The following DTX1 variants were observed in gnomAD, a reference collection of about 807,000 sequenced individuals.
The protein encoded by DTX1 is deltex E3 ubiquitin ligase 1.
Under a neutral mutation model 57.8 loss-of-function variants are expected in DTX1, and 26 were observed. The observed-to-expected ratio is 0.45, with a 90% CI of 0.33 to 0.62. DTX1 has a LOEUF of 0.62. Ranked by LOEUF, DTX1 falls within the 20% of genes least tolerant of loss-of-function variation. The pLI is 0.02. For synonymous variants in DTX1, 398 were observed against 394.1 expected (o/e 1.01, Z -0.12); for missense variants, 704 against 895.3 (o/e 0.79, Z 2.73).
chr12:113,078,226 T>C, intron 3 of DTX1, 121 bp downstream of exon 3: 4 of 804,722 alleles, frequency 5.0e-6, no homozygotes, highest in Non-Finnish European at 4.7e-6. Context: ...CGATAAGTAA[T>C]ATCCAGCATG....
Position 113,093,300 on chromosome 12 carries a change from C to A in DTX1, c.1003+77C>A. 1 of 1,487,338 alleles carries A rather than the reference C, an allele frequency of 6.7e-7. No homozygotes were observed. The highest frequency in any genetic ancestry group is 9.1e-7 in the Non-Finnish European group (1 of 1,095,784). The allele number at this position is 1,487,338 out of a possible 1,614,324, so 92.1% of individuals were successfully genotyped here. A position where few individuals can be genotyped will look rare whatever the true frequency, so the allele number is the denominator to read the frequency against. ...CTCCGCCTGTCACCCGGTGACCCCG[C>A]CCCCGAGATGGGCTGGTGAGCGTGG... On this transcript the variant is annotated intron_variant, in intron 4 of 9. Coordinates refer to ENST00000548759, the MANE Select transcript of DTX1 (RefSeq NM_004416.3). This position sits in a 1 kb window ranked among gnomAD's most constrained non-coding sequence, Gnocchi z 4.2.
At chr12:113,059,574 G>A (rs1018108095) in intron 2 of DTX1, among the ~76,000 whole-genome samples, 4 of 152,016 alleles carry the variant, frequency 2.6e-5, no homozygotes, top group Non-Finnish European at 4.4e-5. Flanking sequence ...GTCATTGCCC[G>A]GTGGTATCTG....
intron 3 of DTX1, among the ~76,000 whole-genome samples, chr12:113,089,656 G>C (rs1566020123): frequency 6.6e-6 from 1 of 152,190 alleles, no homozygotes; most frequent in East Asian, 1.9e-4. Context: ...CTGGGTTCTC[G>C]CAGGAGGCCT....
Position 113,077,299 on chromosome 12 carries a change from G to T in DTX1, c.260-125G>T. 3 of 1,101,568 alleles carry T rather than the reference G, an allele frequency of 2.7e-6. No individual in the cohort carries two copies. The highest frequency in any genetic ancestry group is 2.5e-6 in the Non-Finnish European group (2 of 793,146). 68.2% of individuals were successfully genotyped at this position (1,101,568 alleles called of 1,614,324 possible). On this transcript the variant is annotated intron_variant, in intron 2 of 9. Transcript: ENST00000548759. The surrounding 1 kb of genome is among the most constrained non-coding windows in gnomAD (Gnocchi z 7.8). ...TTGACCCTCTCCCCAAGTCTGGGTG[G>T]ACCCCCTGGAGGCCTGTGCTGACCC...
chr12:113,087,248 G>A (rs1260323548), intron 3 of DTX1, among the ~76,000 whole-genome samples: 2 of 152,168 alleles, frequency 1.3e-5, no homozygotes, highest in South Asian at 2.1e-4. Context: ...TGGAAGTAAG[G>A]GGTCTAGAAG....
intron 2 of DTX1, among the ~76,000 whole-genome samples, chr12:113,067,288 C>G (rs542280448): frequency 2.6e-4 from 40 of 152,148 alleles, no homozygotes; most frequent in Admixed American, 5.9e-4. Flanking sequence ...GGGCCCTCCC[C>G]CTGGCTGGGG....
chr12:113,061,276 A>G (rs1409070132), intron 2 of DTX1, among the ~76,000 whole-genome samples: 1 of 152,140 alleles, frequency 6.6e-6, no homozygotes, highest in Non-Finnish European at 1.5e-5. Context: ...CACCCCAACC[A>G]GAGAGGGAGG....
chr12:113,089,181 G>GC (rs1950227830), intron 3 of DTX1, among the ~76,000 whole-genome samples: 2 of 152,240 alleles, frequency 1.3e-5, no homozygotes, highest in South Asian at 4.1e-4. Context: ...TGCCTGGCAT[G>GC]CTTGAGAAAG....
intron 2 of DTX1, among the ~76,000 whole-genome samples, chr12:113,060,892 C>T (rs1397517544): frequency 1.3e-5 from 2 of 152,012 alleles, no homozygotes; most frequent in African/African-American, 4.8e-5. Context: ...AGAGATCTTC[C>T]GGGACCTAGC....
rs768187961 is a variant in DTX1, at chr12:113,096,983, G to A, written c.*44G>A. 29 of 1,559,212 alleles carry A rather than the reference G, an allele frequency of 1.9e-5. No homozygotes were observed. The highest frequency in any genetic ancestry group is 1.3e-4 in the Admixed American group (7 of 54,852). ...TTCCCTCCTGCTTTGCCCCTGGTCC[G>A]GCAAATGCCTCCTTCGCCAGGTGTG... On this transcript the variant is annotated 3_prime_UTR_variant, in exon 10 of 10. Transcript: ENST00000548759.
intron 2 of DTX1, among the ~76,000 whole-genome samples, chr12:113,073,810 C>A (rs1043249222): frequency 6.6e-6 from 1 of 152,204 alleles, no homozygotes; most frequent in African/African-American, 2.4e-5. Flanking sequence ...TTTTGAGGTC[C>A]TACTGTGTGC....
chr12:113,093,094 A>C lies in DTX1; in HGVS notation c.942-68A>C, dbSNP rs1628639. ...GGCCCAGGAGCCAGAGACAGAAGGC[A>C]AGCCAGGTCCCCTGACGTCGCTTCG... On this transcript the variant is annotated intron_variant, in intron 3 of 9. Transcript: ENST00000548759. This position sits in a 1 kb window ranked among gnomAD's most constrained non-coding sequence, Gnocchi z 4.2. The C allele has an allele frequency of 1.6e-5, 24 of 1,523,858 alleles. No homozygotes were observed. The highest frequency in any genetic ancestry group is 1.2e-5 in the Non-Finnish European group (14 of 1,122,884). The allele number at this position is 1,523,858 out of a possible 1,614,324, so 94.4% of individuals were successfully genotyped here.
intron 2 of DTX1, among the ~76,000 whole-genome samples, chr12:113,061,483 G>A (rs1399324132): frequency 2.0e-5 from 3 of 152,208 alleles, no homozygotes; most frequent in Non-Finnish European, 2.9e-5. Context: ...GCAGGGAGCA[G>A]ACCTGAGTGC....
chr12:113,065,754 G>C (rs2044699678), intron 2 of DTX1, among the ~76,000 whole-genome samples: 1 of 152,076 alleles, frequency 6.6e-6, no homozygotes, highest in Non-Finnish European at 1.5e-5. Flanking sequence ...GAGGGGAGAT[G>C]ATGGAGGGTG....
At chr12:113,086,104 C>CA (rs770443174) in intron 3 of DTX1, among the ~76,000 whole-genome samples, 1 of 151,782 alleles carries the variant, frequency 6.6e-6, no homozygotes, top group Admixed American at 6.6e-5. Flanking sequence ...TCCACCTTTA[C>CA]AAAATTTTTT....
chr12:113,084,505 C>A (rs1245316763), intron 3 of DTX1, among the ~76,000 whole-genome samples: 1 of 152,138 alleles, frequency 6.6e-6, no homozygotes, highest in Non-Finnish European at 1.5e-5. Flanking sequence ...CCTGCCTCAG[C>A]CTCCTAAGTA....
At chr12:113,090,315 G>A (rs1388660277) in intron 3 of DTX1, among the ~76,000 whole-genome samples, 1 of 152,116 alleles carries the variant, frequency 6.6e-6, no homozygotes, top group African/African-American at 2.4e-5. Context: ...AGTTAGAGTG[G>A]TGACAGCTGC....
rs1398811337 is a variant in DTX1, at chr12:113,077,508, G to A, written c.344G>A (p.Gly115Asp). ...KGIVWEWEND[G>D]GAWTAYDMDI... is the part of the protein sequence containing the mutation. ...ATCGTGTGGGAGTGGGAGAACGACG[G>A]CGGCGCATGGACGGCCTACGATATG... is the stretch of plus-strand genomic sequence containing the variant. The change falls in exon 3 of 10, where the codon GGC becomes GAC. Residue 115 changes from glycine (G) to aspartate (D), a missense_variant. Gly to Asp is a moderately conservative substitution (Grantham distance 94, BLOSUM62 -1). Around this residue, in one of 3 missense-constraint regions of DTX1, gnomAD observed 237 missense variants for 328.6 expected, o/e 0.72. Transcript: ENST00000548759. The surrounding 1 kb of genome is among the most constrained non-coding windows in gnomAD (Gnocchi z 7.8). 6.2e-7 allele frequency: 1 copy of A among 1,610,106 alleles called. No homozygotes were observed. The highest frequency in any genetic ancestry group is 8.5e-7 in the Non-Finnish European group (1 of 1,179,794).
intron 2 of DTX1, among the ~76,000 whole-genome samples, chr12:113,061,274 C>A (rs948064586): frequency 6.6e-6 from 1 of 152,200 alleles, no homozygotes; most frequent in African/African-American, 2.4e-5. Flanking sequence ...CCCACCCCAA[C>A]CAGAGAGGGA....
Sources: allele counts gnomAD v4.1 joint callset (sites outside exome capture counted in the v4.1 genomes callset), GRCh38; gene constraint gnomAD v4.1.1; regional missense constraint gnomAD v4.1.1; non-coding constraint Gnocchi (gnomAD v3.1); transcripts MANE v1.5; gene names NCBI Gene and HGNC (gene_info 2026-07-23, HGNC 2026-07-21).